Variants in ZMAT1 observed in about 807,000 individuals in gnomAD.
The protein encoded by ZMAT1 is zinc finger matrin-type 1.
A neutral mutation model predicts 18.5 loss-of-function variants in ZMAT1; 11 were observed. The observed-to-expected ratio is 0.59, with a 90% CI of 0.37 to 0.98. The LOEUF is 0.98. Ranked by LOEUF, ZMAT1 falls within the 50% of genes least tolerant of loss-of-function variation. The probability of loss-of-function intolerance (pLI) is 0.01; values close to 1 mark genes in which losing one functional copy is unlikely to be tolerated. For missense variants in ZMAT1, 525 were observed against 496.2 expected, an observed-to-expected ratio of 1.06 and a Z score of -0.55; for synonymous variants, 211 against 176.4, an observed-to-expected ratio of 1.20 and a Z score of -1.55.
Position 101,897,961 on chromosome X carries a change from A to G in ZMAT1, c.583T>C (p.Ser195Pro). The G allele has an allele frequency of 8.3e-7, 1 of 1,211,610 alleles. No homozygotes were observed. The highest frequency in any genetic ancestry group is 1.1e-6 in the Non-Finnish European group (1 of 895,316). The part of the protein sequence containing the change: ...MMFSSPLIAQ[S>P]HYVGKVHAKK... ...GCATGGACCTTTCCCACATAGTGAG[A>G]CTGAGCAATAAGTGGAGAGCTAAAC... The change falls in exon 4 of 6, where the codon TCT becomes CCT. Residue 195 changes from serine (S) to proline (P), a missense_variant. Ser to Pro is a moderately conservative substitution (Grantham distance 74, BLOSUM62 -1). Transcript: ENST00000651725.
intron 4 of ZMAT1, chrX:101,887,409 C>T (rs1005663421): frequency 4.3e-5 from 9 of 207,916 alleles, no homozygotes; most frequent in Non-Finnish European, 7.1e-6. Context: ...GAATTAGAAG[C>T]AAGGGATACA....
Position 101,883,608 on chromosome X carries a change from C to T in ZMAT1, c.1990G>A (p.Glu664Lys), listed in dbSNP as rs749373831. 38 of 1,205,757 alleles carry T rather than the reference C, an allele frequency of 3.2e-5. No individual in the cohort carries two copies. The highest frequency in any genetic ancestry group is 2.4e-4 in the Admixed American group (11 of 45,227). Residue 664 changes from glutamate (E) to lysine (K), a missense_variant, in exon 6 of 6, where the codon GAG (glutamate) becomes AAG (lysine). By Grantham distance (56) the Glu-to-Lys change is moderately conservative. Transcript: ENST00000651725. ...TTCCTGTGCTTACGTTCTTCTTTCT[C>T]GGAGGGTACATCATGGCTTTTTTTC... is the stretch of plus-strand genomic sequence containing the variant. ...KKKKSHDVPS[E>K]KEERKHRKEK...
At chrX:101,887,934 T>A (rs968823069) in intron 4 of ZMAT1, 14 of 111,783 alleles carry the variant, frequency 1.3e-4, no homozygotes, top group African/African-American at 4.5e-4. Context: ...AATGGAAATA[T>A]GTATCTCCTC....
chrX:101,884,916 CA>C, intron 5 of ZMAT1, 95 bp from the exon 6 acceptor site: 1 of 532,682 alleles, frequency 1.9e-6, no homozygotes, highest in Non-Finnish European at 2.8e-6. Context: ...ACAAAAACAA[CA>C]AATTTAAAAA....
intron 4 of ZMAT1, among the ~76,000 whole-genome samples, chrX:101,895,406 G>C (rs1927727222): frequency 9.0e-6 from 1 of 110,813 alleles, no homozygotes. Context: ...AAACCATTCA[G>C]GTTCTCATTT....
At position 101,900,943 on chromosome X, in the gene ZMAT1, G is replaced by A. The variant is rs184978484; in HGVS notation, c.400-2723C>T. 2.0e-4 allele frequency among the ~76,000 whole-genome samples: 22 copies of A among 112,082 alleles called. No individual in the cohort carries two copies. In the East Asian group the frequency reaches 5.3e-3, roughly 27 times the overall value. Reference sequence around the variant, plus strand: ...CAGTATTGATTCTACCCATCCATGAGCATGGAATATGTTTCCATTTGTTTG... The same window carrying A: ...CAGTATTGATTCTACCCATCCATGAACATGGAATATGTTTCCATTTGTTTG... On this transcript the variant is annotated intron_variant, in intron 2 of 5. Coordinates refer to ENST00000651725, the MANE Select transcript of ZMAT1 (RefSeq NM_001394560.1).
rs1930519514 is a variant in ZMAT1 at position 101,931,811 on chromosome X, G to C, written c.198C>G (p.Asp66Glu). The C allele has an allele frequency of 1.3e-6, 1 of 781,385 alleles. No homozygotes were observed. 64.4% of individuals were successfully genotyped at this position (781,385 alleles called of 1,213,427 possible). ...AGCCGCCAAAGCCGCCGCCGCCGCC[G>C]TCGCCACAGCCACCGGCAGGCGGGC... ...PACPPAGGCG[D>E]GGGGGFGGST... The change falls in exon 1 of 6, where the codon GAC becomes GAG. Residue 66 changes from aspartate to glutamate, a missense_variant. By Grantham distance (45) the Asp-to-Glu change is conservative. Coordinates refer to ENST00000651725, the MANE Select transcript of ZMAT1 (RefSeq NM_001394560.1).
At chrX:101,910,922 A>G (rs1928920019) in intron 1 of ZMAT1, among the ~76,000 whole-genome samples, 1 of 111,650 alleles carries the variant, frequency 9.0e-6, no homozygotes, top group Non-Finnish European at 1.9e-5. Context: ...ATCCAAGTAC[A>G]AGAACATTAT....
At chrX:101,888,991 T>A (rs1927173894) in intron 4 of ZMAT1, 1 of 111,599 alleles carries the variant, frequency 9.0e-6, no homozygotes, top group Non-Finnish European at 1.9e-5. Flanking sequence ...ACATCAGAAA[T>A]AATATTCTAA....
In ZMAT1 at chrX:101,883,589, T is replaced by C; in HGVS notation, c.2009A>G (p.His670Arg). ...AACAGATTTCTTTTTCTCTTTCCTG[T>C]GCTTACGTTCTTCTTTCTCGGAGGG... The part of the protein sequence containing the change: ...DVPSEKEERK[H>R]RKEKKKSVEE... The change falls in exon 6 of 6, where the codon CAC becomes CGC. Residue 670 changes from histidine (H) to arginine (R), a missense_variant. Coordinates refer to ENST00000651725, the MANE Select transcript of ZMAT1 (RefSeq NM_001394560.1). The C allele has an allele frequency of 8.3e-7, 1 of 1,208,507 alleles. No homozygotes were observed. The highest frequency in any genetic ancestry group is 1.1e-6 in the Non-Finnish European group (1 of 894,726).
intron 2 of ZMAT1, among the ~76,000 whole-genome samples, chrX:101,899,859 A>G (rs1186596686): frequency 8.9e-6 from 1 of 111,984 alleles, no homozygotes; most frequent in East Asian, 2.8e-4. Context: ...TTCTACTCTT[A>G]GTTATTTAAG....
intron 4 of ZMAT1, chrX:101,887,517 C>G (rs1927049094): frequency 1.8e-5 from 2 of 113,110 alleles, no homozygotes; most frequent in Admixed American, 1.9e-4. Context: ...CATTCTGACC[C>G]TAGGGAGGAG....
chrX:101,917,839 G>A (rs760005666), intron 1 of ZMAT1, among the ~76,000 whole-genome samples: 9 of 112,678 alleles, frequency 8.0e-5, no homozygotes, highest in African/African-American at 2.9e-4. Context: ...TATACACAAT[G>A]GAGTACTATT....
chrX:101,929,447 A>ATTC (rs1930321580), intron 1 of ZMAT1, among the ~76,000 whole-genome samples: 3 of 86,606 alleles, frequency 3.5e-5, no homozygotes, highest in Non-Finnish European at 6.4e-5. Context: ...ATATATATAT[A>ATTC]TATATATATA....
chrX:101,905,901 A>AGC (rs1556300877), intron 1 of ZMAT1, among the ~76,000 whole-genome samples: 4 of 105,917 alleles, frequency 3.8e-5, no homozygotes, highest in Non-Finnish European at 7.7e-5. Context: ...AAAAAAAAAA[A>AGC]AAAACAAATA....
chrX:101,898,497 G>A (rs1384518567), intron 2 of ZMAT1, among the ~76,000 whole-genome samples: 2 of 112,027 alleles, frequency 1.8e-5, no homozygotes, highest in East Asian at 5.6e-4. Context: ...CTTGAGCAAT[G>A]TACCCAGTTA....
chrX:101,921,033 A>AG (rs1168039868), intron 1 of ZMAT1, among the ~76,000 whole-genome samples: 2 of 111,503 alleles, frequency 1.8e-5, no homozygotes, highest in Non-Finnish European at 3.8e-5. Context: ...TTGAAAAAAA[A>AG]AAAGGATATA....
At chrX:101,921,025 G>GAA (rs34927033) in intron 1 of ZMAT1, among the ~76,000 whole-genome samples, 21 of 98,751 alleles carry the variant, frequency 2.1e-4, no homozygotes, top group Non-Finnish European at 3.5e-4. Context: ...AGAGATTTTT[G>GAA]AAAAAAAAAA....
chrX:101,908,592 A>G (rs1343135644), intron 1 of ZMAT1, among the ~76,000 whole-genome samples: 1 of 111,517 alleles, frequency 9.0e-6, no homozygotes, highest in Non-Finnish European at 1.9e-5. Context: ...GCATTTCTGG[A>G]TGCTGGAAGG....
Sources: gnomAD v4.1 joint callset for allele counts (sites outside exome capture counted in the v4.1 genomes callset) on GRCh38, gnomAD v4.1.1 for gene constraint, MANE v1.5 for transcripts, NCBI Gene and HGNC (gene_info 2026-07-23, HGNC 2026-07-21) for gene names.